The following BBS9 variants were observed in gnomAD, a reference collection of about 807,000 sequenced individuals.
BBS9 encodes the protein protein PTHB1.
A neutral mutation model predicts 117.7 loss-of-function variants in BBS9; 89 were observed. The ratio of observed to expected loss-of-function variants is 0.76; its 90% CI spans 0.64 to 0.90. The LOEUF (loss-of-function observed/expected upper bound fraction) is 0.90. Among genes scored for constraint, BBS9 ranks in the 40% least tolerant of loss-of-function variants. The pLI, the probability that BBS9 is intolerant of heterozygous loss-of-function variation, is 0.00. For synonymous variants in BBS9, 379 were observed against 370.9 expected (o/e 1.02, Z -0.25); for missense variants, 982 against 1,042.2 (o/e 0.94, Z 0.80).
At chr7:33,355,954 T>C (rs1819542122) in intron 15 of BBS9, among the ~76,000 whole-genome samples, 2 of 151,834 alleles carry the variant, frequency 1.3e-5, no homozygotes, top group Admixed American at 6.6e-5. Context: ...GTTTTAGCAG[T>C]ATAGTTTTGG....
intron 19 of BBS9, among the ~76,000 whole-genome samples, chr7:33,404,001 T>C (rs574077305): frequency 6.6e-6 from 1 of 152,154 alleles, no homozygotes; most frequent in African/African-American, 2.4e-5. Context: ...TTTTAATGAT[T>C]GCCATTCTAA....
intron 21 of BBS9, among the ~76,000 whole-genome samples, chr7:33,591,077 C>G (rs539120961): frequency 2.0e-5 from 3 of 151,980 alleles, no homozygotes; most frequent in African/African-American, 7.2e-5. Context: ...CTTAGATTTA[C>G]TAGCCTATAC....
chr7:33,458,041 C>T (rs1280858971), intron 19 of BBS9, among the ~76,000 whole-genome samples: 3 of 152,156 alleles, frequency 2.0e-5, no homozygotes, highest in Admixed American at 1.3e-4. Flanking sequence ...GAGATCAGCA[C>T]TATCCAATTT....
chr7:33,308,123 A>G (rs574044145), intron 9 of BBS9, among the ~76,000 whole-genome samples: 57 of 152,304 alleles, frequency 3.7e-4, no homozygotes, highest in African/African-American at 1.3e-3. Flanking sequence ...GGTAAGCAGC[A>G]TGTTGTTAGT....
intron 19 of BBS9, among the ~76,000 whole-genome samples, chr7:33,434,111 A>T (rs926633813): frequency 2.0e-5 from 3 of 151,924 alleles, no homozygotes; most frequent in South Asian, 2.1e-4. Flanking sequence ...TTTATCAATA[A>T]TGATGGATAT....
intron 5 of BBS9, among the ~76,000 whole-genome samples, chr7:33,192,203 GA>G (rs550861301): frequency 2.0e-5 from 3 of 152,236 alleles, no homozygotes; most frequent in African/African-American, 7.2e-5. Context: ...ATGTTAAATG[GA>G]AAAGCCTTTA....
chr7:33,619,308 A>G (rs535481214), intron 21 of BBS9, among the ~76,000 whole-genome samples: 2 of 152,306 alleles, frequency 1.3e-5, no homozygotes, highest in East Asian at 3.9e-4. Flanking sequence ...AGAAGGTATA[A>G]CGATTGTAAA....
chr7:33,618,058 T>C (rs1355952907), intron 21 of BBS9, among the ~76,000 whole-genome samples: 1 of 152,086 alleles, frequency 6.6e-6, no homozygotes, highest in East Asian at 1.9e-4. Context: ...AAAGGACACA[T>C]GCTGGGCATG....
intron 21 of BBS9, among the ~76,000 whole-genome samples, chr7:33,593,652 G>T (rs1452130968): frequency 6.6e-6 from 1 of 152,068 alleles, no homozygotes; most frequent in Non-Finnish European, 1.5e-5. Flanking sequence ...GAGTTTTGTT[G>T]TATCATAACT....
At chr7:33,257,558 C>A (rs1797289721) in intron 6 of BBS9, 148 bp downstream of exon 6, 1 of 766,074 alleles carries the variant, frequency 1.3e-6, no homozygotes, top group African/African-American at 1.7e-5. Flanking sequence ...TAGACTATAT[C>A]ATTTACTATT....
chr7:33,383,731 C>G lies in BBS9; in HGVS notation c.1855C>G (p.Arg619Gly). 6.2e-7 allele frequency: 1 copy of G among 1,611,866 alleles called. No individual in the cohort carries two copies. Among genetic ancestry groups the G allele is most frequent in the Non-Finnish European group, 8.5e-7 (1 of 1,178,884 alleles). ...GCTCATAACCAATGAGCTTATTCTT[C>G]GCCTTCAAGAATATTTTGAAAAACA... The part of the protein sequence containing the change: ...LWLITNELIL[R>G]LQEYFEKQGV... Residue 619 changes from arginine to glycine, a missense_variant, in exon 18 of 23, where the codon CGC becomes GGC. Transcript: ENST00000242067.
chr7:33,311,925 A>G (rs947728579), intron 9 of BBS9, among the ~76,000 whole-genome samples: 1 of 152,212 alleles, frequency 6.6e-6, no homozygotes, highest in African/African-American at 2.4e-5. Flanking sequence ...CTAAATTGTA[A>G]GAAACCTGCT....
chr7:33,338,806 G>A (rs1563023397), intron 10 of BBS9, among the ~76,000 whole-genome samples: 1 of 152,090 alleles, frequency 6.6e-6, no homozygotes. Flanking sequence ...AGGAACTTTC[G>A]AAGACAGAAT....
chr7:33,301,140 C>T (rs1188342908), intron 9 of BBS9, among the ~76,000 whole-genome samples: 1 of 151,594 alleles, frequency 6.6e-6, no homozygotes, highest in Non-Finnish European at 1.5e-5. Flanking sequence ...TATATATATA[C>T]ACACACATAA....
chr7:33,626,510 G>A (rs370121381), intron 21 of BBS9, among the ~76,000 whole-genome samples: 25 of 152,196 alleles, frequency 1.6e-4, no homozygotes, highest in African/African-American at 5.8e-4. Context: ...GTAACAGAAA[G>A]TTTGGAACTT....
At chr7:33,634,873 G>A (rs1251984748) in intron 21 of BBS9, among the ~76,000 whole-genome samples, 2 of 152,168 alleles carry the variant, frequency 1.3e-5, no homozygotes, top group Non-Finnish European at 2.9e-5. Context: ...AGATTTTCCA[G>A]CCACAGGCTT....
intron 4 of BBS9, among the ~76,000 whole-genome samples, chr7:33,166,392 G>T (rs1047876602): frequency 6.6e-6 from 1 of 152,246 alleles, no homozygotes; most frequent in African/African-American, 2.4e-5. Context: ...TCTTTTCAGA[G>T]CTGTCAGATA....
intron 2 of BBS9, among the ~76,000 whole-genome samples, chr7:33,148,241 C>T (rs1792726502): frequency 6.6e-6 from 1 of 152,028 alleles, no homozygotes; most frequent in Non-Finnish European, 1.5e-5. Context: ...ATTTGGAGCT[C>T]TGAGAACAGG....
At chr7:33,315,651 G>C (rs569606333) in intron 9 of BBS9, among the ~76,000 whole-genome samples, 5 of 152,276 alleles carry the variant, frequency 3.3e-5, no homozygotes, top group Admixed American at 1.3e-4. Context: ...GGGTGGAAGA[G>C]AACATTTGTA....
Sources: allele counts gnomAD v4.1 joint callset (sites outside exome capture counted in the v4.1 genomes callset), GRCh38; gene constraint gnomAD v4.1.1; transcripts MANE v1.5; gene names NCBI Gene and HGNC (gene_info 2026-07-23, HGNC 2026-07-21).